NMI: variants seen among roughly 807,000 people sequenced by gnomAD.
NMI encodes N-myc and STAT interactor, also known as N-myc-interactor.
NMI carries 39 observed loss-of-function variants against 34.3 expected under a neutral mutation model. The observed-to-expected ratio is 1.14, with a 90% CI of 0.88 to 1.49. The LOEUF (loss-of-function observed/expected upper bound fraction) is 1.49. Among genes scored for constraint, NMI ranks in the 40% most tolerant of loss-of-function variants. The probability of loss-of-function intolerance (pLI) is 0.00; values close to 1 mark genes in which losing one functional copy is unlikely to be tolerated. For synonymous variants in NMI, 113 were observed against 120.3 expected (o/e 0.94, Z 0.40); for missense variants, 339 against 358.1 (o/e 0.95, Z 0.43).
intron 6 of NMI, among the ~76,000 whole-genome samples, chr2:151,274,496 G>C (rs1375306878): frequency 7.1e-6 from 1 of 141,728 alleles, no homozygotes; most frequent in Non-Finnish European, 1.5e-5. Flanking sequence ...TTTTTTTTGA[G>C]ACGGAGTCTC....
At chr2:151,278,570 G>A (rs1683329671) in intron 4 of NMI, 2 of 403,950 alleles carry the variant, frequency 5.0e-6, no homozygotes, top group Admixed American at 4.0e-5. Context: ...GGAGTAGAAA[G>A]AGGCTGGTAT....
chr2:151,285,406 A>ATAG (rs1558878456), intron 1 of NMI, among the ~76,000 whole-genome samples: 36 of 136,014 alleles, frequency 2.6e-4, no homozygotes, highest in African/African-American at 1.1e-3. Context: ...TAGATAGATA[A>ATAG]ATAGACAGAC....
At chr2:151,281,736 G>GTGTA (rs1683409101) in intron 3 of NMI, among the ~76,000 whole-genome samples, 1 of 152,148 alleles carries the variant, frequency 6.6e-6, no homozygotes, top group Non-Finnish European at 1.5e-5. Context: ...TCTCATTGCT[G>GTGTA]TGTAGTTTTC....
In NMI at chr2:151,281,933, T is replaced by C; in HGVS notation, c.177+15A>G. On this transcript the variant is annotated intron_variant, in intron 3 of 7. Coordinates refer to ENST00000243346, the MANE Select transcript of NMI (RefSeq NM_004688.3). Reference sequence around the variant, plus strand: ...TCCATCAAAAATGTAGTATATAAAATAATTAAGAGAGTACCTGGAATTCTT... The same window carrying C: ...TCCATCAAAAATGTAGTATATAAAACAATTAAGAGAGTACCTGGAATTCTT... 1 of 1,300,132 alleles carries C rather than the reference T, an allele frequency of 7.7e-7. No individual in the cohort carries two copies. The highest frequency in any genetic ancestry group is 1.1e-6 in the Non-Finnish European group (1 of 907,882). The allele number at this position is 1,300,132 out of a possible 1,614,324, so 80.5% of individuals were successfully genotyped here.
chr2:151,273,557 CTG>C (rs933919301), intron 6 of NMI, among the ~76,000 whole-genome samples: 8 of 152,222 alleles, frequency 5.3e-5, no homozygotes, highest in Non-Finnish European at 7.3e-5. Context: ...GAGTCTCACT[CTG>C]TCACCCAGGC....
At chr2:151,287,872 C>T (rs1023901327) in intron 1 of NMI, among the ~76,000 whole-genome samples, 9 of 152,182 alleles carry the variant, frequency 5.9e-5, no homozygotes, top group Admixed American at 1.3e-4. Context: ...GTACTCAGGA[C>T]ATCACATGTA....
intron 2 of NMI, among the ~76,000 whole-genome samples, chr2:151,282,401 A>T (rs1683423024): frequency 6.6e-6 from 1 of 152,236 alleles, no homozygotes; most frequent in South Asian, 2.1e-4. Context: ...TAAGACTTTT[A>T]AATTGCACTG....
chr2:151,271,769 T>C (rs1351952857), intron 6 of NMI, 37 bp from the exon 7 acceptor site: 7 of 1,006,092 alleles, frequency 7.0e-6, no homozygotes, highest in Non-Finnish European at 1.1e-5. Context: ...GTCTTTTTTA[T>C]ATCATAAGCA....
chr2:151,287,635 T>C (rs1349556925), intron 1 of NMI, among the ~76,000 whole-genome samples: 1 of 152,184 alleles, frequency 6.6e-6, no homozygotes, highest in Non-Finnish European at 1.5e-5. Flanking sequence ...CCGAAGCCTT[T>C]TCTGATTCCC....
intron 1 of NMI, among the ~76,000 whole-genome samples, chr2:151,288,235 G>A (rs1364593975): frequency 6.6e-6 from 1 of 152,214 alleles, no homozygotes; most frequent in African/African-American, 2.4e-5. Context: ...TTGCTAATCA[G>A]CTTGCTTTTA....
At chr2:151,285,890 G>A (rs928148049) in intron 1 of NMI, among the ~76,000 whole-genome samples, 7 of 152,128 alleles carry the variant, frequency 4.6e-5, no homozygotes, top group Admixed American at 2.6e-4. Context: ...ATGTTGAAAC[G>A]ACACAGAATC....
At position 151,270,772 on chromosome 2, in the gene NMI, C is replaced by T. The variant is rs377424473; in HGVS notation, c.845G>A (p.Arg282Gln). 15 of 1,613,844 alleles carry T rather than the reference C, an allele frequency of 9.3e-6. No homozygotes were observed. The highest frequency in any genetic ancestry group is 5.5e-5 in the South Asian group (5 of 91,082). ...TACTTCTCCACCTCCATTCTTTGCC[C>T]GTTGAAAGTGAATGTTAATTAAATC... The part of the protein sequence containing the change: ...VEDLINIHFQ[R>Q]AKNGGGEVDV... The change falls in exon 8 of 8, where the codon CGG (arginine) becomes CAG (glutamine). Residue 282 changes from arginine to glutamine, a missense_variant. Transcript: ENST00000243346.
chr2:151,274,180 C>T lies in NMI; in HGVS notation c.634+1304G>A, dbSNP rs576573267. 2.9e-3 allele frequency among the ~76,000 whole-genome samples: 438 copies of T among 150,864 alleles called. 3 individuals carry two copies. The highest frequency in any genetic ancestry group is 3.7e-3 in the Non-Finnish European group (253 of 67,698). On this transcript the variant is annotated intron_variant, in intron 6 of 7. Transcript: ENST00000243346. The stretch of plus-strand genomic sequence containing the variant: ...CAACATGGTGAAACCCCGTCTCTAC[C>T]AAAAATACAAAAATTAGTCAGGCAT...
At chr2:151,282,494 C>T (rs143777582) in intron 2 of NMI, among the ~76,000 whole-genome samples, 3 of 152,202 alleles carry the variant, frequency 2.0e-5, no homozygotes, top group South Asian at 2.1e-4. Flanking sequence ...CCCATAGTAT[C>T]GCATAGTACA....
chr2:151,282,568 T>C (rs1683425574), intron 2 of NMI, among the ~76,000 whole-genome samples: 1 of 152,232 alleles, frequency 6.6e-6, no homozygotes, highest in Non-Finnish European at 1.5e-5. Context: ...TGGGCCTCCG[T>C]TCCCTCTTGG....
chr2:151,284,737 C>T (rs1032413709), intron 1 of NMI, among the ~76,000 whole-genome samples: 2 of 152,074 alleles, frequency 1.3e-5, no homozygotes, highest in African/African-American at 4.8e-5. Flanking sequence ...AAAAATGGGA[C>T]AAAGGATATC....
intron 1 of NMI, among the ~76,000 whole-genome samples, chr2:151,285,798 C>G (rs1425157319): frequency 6.6e-6 from 1 of 152,002 alleles, no homozygotes; most frequent in Non-Finnish European, 1.5e-5. Context: ...GATCCCAAAA[C>G]CAGGATAGAA....
rs770593543 is a variant in NMI at position 151,270,694 on chromosome 2, T to C, written c.923A>G (p.Ter308TrpextTer2). ...GQPHIAYFEE[*>W] The stretch of plus-strand genomic sequence containing the variant: ...ATAGTTTTCATGATTCTGTTAAGTC[T>C]ATTCTTCAAAGTATGCTATGTGAGG... Residue 308 changes from the stop codon to tryptophan (W), a stop_lost, in exon 8 of 8, where the codon TAG (stop) becomes TGG (tryptophan). Coordinates refer to ENST00000243346, the MANE Select transcript of NMI (RefSeq NM_004688.3). The C allele has an allele frequency of 5.0e-6, 8 of 1,609,862 alleles. No homozygotes were observed. The South Asian group carries it at 8.8e-5, about 18-fold the overall frequency.
intron 6 of NMI, among the ~76,000 whole-genome samples, chr2:151,272,946 G>A (rs983873798): frequency 2.0e-5 from 3 of 152,048 alleles, no homozygotes; most frequent in Non-Finnish European, 4.4e-5. Flanking sequence ...AGGTAATGGA[G>A]AATTATTGTT....
Sources: allele counts gnomAD v4.1 joint callset (sites outside exome capture counted in the v4.1 genomes callset), GRCh38; gene constraint gnomAD v4.1.1; transcripts MANE v1.5; gene names NCBI Gene and HGNC (gene_info 2026-07-23, HGNC 2026-07-21).